Variants in EDNRB observed in about 807,000 individuals in gnomAD.
The protein encoded by EDNRB is Hirschsprung disease 2.
In EDNRB, 18 loss-of-function variants were observed where a neutral mutation model predicts 46.4. That is an observed-to-expected ratio of 0.39 (90% CI 0.27 to 0.57). EDNRB has a LOEUF of 0.57. EDNRB is among the 20% of genes least tolerant of loss of function. The pLI, the probability that EDNRB is intolerant of heterozygous loss-of-function variation, is 0.61. For missense variants in EDNRB, 434 were observed against 537.5 expected, an observed-to-expected ratio of 0.81 and a Z score of 1.90; for synonymous variants, 213 against 204.9, an observed-to-expected ratio of 1.04 and a Z score of -0.34.
chr13:77,919,198 G>T (rs1303654804), upstream of EDNRB: 9 of 631,688 alleles, frequency 1.4e-5, no homozygotes, highest in Non-Finnish European at 2.6e-6. Context: ...TCTCAAGTCA[G>T]CAGGAACTTG....
intron 1 of EDNRB, among the ~76,000 whole-genome samples, chr13:77,944,431 A>T (rs1880843208): frequency 6.6e-6 from 1 of 151,884 alleles, no homozygotes; most frequent in Non-Finnish European, 1.5e-5. Flanking sequence ...CCCAAAACAA[A>T]CTTGATCTCC....
At chr13:77,967,118 A>G (rs1039170720) in intron 1 of EDNRB, among the ~76,000 whole-genome samples, 5 of 152,210 alleles carry the variant, frequency 3.3e-5, no homozygotes, top group African/African-American at 1.2e-4. Context: ...AGACTGAATA[A>G]TAATATTTCT....
At chr13:77,956,289 A>G (rs890507239) in intron 1 of EDNRB, among the ~76,000 whole-genome samples, 1 of 151,654 alleles carries the variant, frequency 6.6e-6, no homozygotes, top group African/African-American at 2.4e-5. Flanking sequence ...TGTAAATGGG[A>G]TTGTTTTCTG....
intron 1 of EDNRB, among the ~76,000 whole-genome samples, chr13:77,938,002 C>T (rs185302988): frequency 3.9e-5 from 6 of 152,244 alleles, no homozygotes; most frequent in Admixed American, 2.0e-4. Context: ...ATTGAAAGTG[C>T]CATTTTCTGG....
intron 1 of EDNRB, among the ~76,000 whole-genome samples, chr13:77,936,322 G>C (rs1207704762): frequency 6.6e-6 from 1 of 152,086 alleles, no homozygotes; most frequent in Non-Finnish European, 1.5e-5. Flanking sequence ...TGGGCAGGTG[G>C]GGATAACTAA....
intron 1 of EDNRB, among the ~76,000 whole-genome samples, chr13:77,908,889 C>G (rs1243196418): frequency 2.0e-5 from 3 of 151,936 alleles, no homozygotes; most frequent in Non-Finnish European, 4.4e-5. Context: ...ATATATGTTA[C>G]CTAACATTGA....
upstream of EDNRB, among the ~76,000 whole-genome samples, chr13:77,920,304 T>G (rs1413464610): frequency 2.0e-5 from 3 of 152,210 alleles, no homozygotes; most frequent in Non-Finnish European, 4.4e-5. Context: ...GCTCCATGTT[T>G]ACCGCAGAGA....
rs1041846075 is a variant in EDNRB at position 77,918,054 on chromosome 13, C to T, written c.483+37G>A. 1.1e-5 allele frequency: 17 copies of T among 1,613,356 alleles called. No homozygotes were observed. The highest frequency in any genetic ancestry group is 1.4e-5 in the Non-Finnish European group (17 of 1,180,038). ...TCCCCGTCTCCAACCAGGCCCCCTT[C>T]CTCAAGCCCACCATGATTTCAGCAG... On this transcript the variant is annotated intron_variant, in intron 1 of 6. Transcript: ENST00000646607. This position sits in a 1 kb window ranked among gnomAD's most constrained non-coding sequence, Gnocchi z 4.5.
rs112886693 is a variant in EDNRB, at chr13:77,973,059, A to G, written c.-52+2288T>C. 5.4e-3 allele frequency among the ~76,000 whole-genome samples: 815 copies of G among 152,308 alleles called. 12 individuals carry two copies. The highest frequency in any genetic ancestry group is 0.018 in the African/African-American group (766 of 41,572). On this transcript the variant is annotated intron_variant, in intron 1 of 7. Transcript: ENST00000646948. The stretch of plus-strand genomic sequence containing the variant: ...ACTGGAAATTCTAGGGGTGGTATGC[A>G]TACTAAAAGACTTTTAAGTGGAAGA...
chr13:77,972,058 G>T (rs1161531975), intron 1 of EDNRB, among the ~76,000 whole-genome samples: 1 of 152,208 alleles, frequency 6.6e-6, no homozygotes, highest in Admixed American at 6.5e-5. Context: ...TGTCGTGAGA[G>T]ACATGAAGTG....
At chr13:77,958,779 G>C (rs1223421558) in intron 1 of EDNRB, among the ~76,000 whole-genome samples, 1 of 152,240 alleles carries the variant, frequency 6.6e-6, no homozygotes, top group Non-Finnish European at 1.5e-5. Flanking sequence ...GAATGACTCA[G>C]CCTCAGGTGG....
intron 1 of EDNRB, chr13:77,939,083 A>T (rs1880658542): frequency 6.6e-6 from 1 of 152,202 alleles, no homozygotes; most frequent in South Asian, 2.1e-4. Flanking sequence ...GAGAGTCAGT[A>T]AAGGGAGATA....
At chr13:77,972,686 A>T (rs1425711089) in intron 1 of EDNRB, among the ~76,000 whole-genome samples, 1 of 152,236 alleles carries the variant, frequency 6.6e-6, no homozygotes, top group African/African-American at 2.4e-5. Flanking sequence ...ACAGGGTATA[A>T]CAAGGCAAGC....
intron 1 of EDNRB, among the ~76,000 whole-genome samples, chr13:77,929,260 T>A (rs1463620959): frequency 6.6e-6 from 1 of 152,160 alleles, no homozygotes; most frequent in African/African-American, 2.4e-5. Flanking sequence ...GACCAAAATA[T>A]ACAGGGCCTT....
At chr13:77,926,712 A>G (rs2062599743) in intron 1 of EDNRB, among the ~76,000 whole-genome samples, 1 of 152,040 alleles carries the variant, frequency 6.6e-6, no homozygotes, top group South Asian at 2.1e-4. Flanking sequence ...GTTACTTCAC[A>G]TTTTTGGGTA....
intron 1 of EDNRB, among the ~76,000 whole-genome samples, chr13:77,943,162 A>C (rs1465161450): frequency 6.6e-6 from 1 of 152,004 alleles, no homozygotes; most frequent in Non-Finnish European, 1.5e-5. Context: ...AATGTATAAA[A>C]CCCTTTCCTG....
chr13:77,940,149 A>G (rs1367602304), intron 1 of EDNRB, among the ~76,000 whole-genome samples: 1 of 152,196 alleles, frequency 6.6e-6, no homozygotes, highest in Non-Finnish European at 1.5e-5. Flanking sequence ...AGCGAAGAAT[A>G]TTAATTAACC....
upstream of EDNRB, chr13:77,918,847 G>A (rs940242866): frequency 7.7e-7 from 1 of 1,300,510 alleles, no homozygotes; most frequent in Non-Finnish European, 9.7e-7. The surrounding 1 kb of genome is among the most constrained non-coding windows in gnomAD (Gnocchi z 4.5). Flanking sequence ...GCGTGGCCAG[G>A]AGGGGTAAAT....
chr13:77,956,834 A>G (rs751229091), intron 1 of EDNRB, among the ~76,000 whole-genome samples: 8 of 152,214 alleles, frequency 5.3e-5, no homozygotes, highest in Non-Finnish European at 1.0e-4. Flanking sequence ...TCCAAGCCAC[A>G]TCACTATGAC....
Sources: gnomAD v4.1 joint callset for allele counts (sites outside exome capture counted in the v4.1 genomes callset) on GRCh38, gnomAD v4.1.1 for gene constraint, Gnocchi (gnomAD v3.1) non-coding constraint, MANE v1.5 for transcripts, NCBI Gene and HGNC (gene_info 2026-07-23, HGNC 2026-07-21) for gene names.